The following SLC12A8 variants were observed in gnomAD, a reference collection of about 807,000 sequenced individuals.
SLC12A8 encodes solute carrier family 12 member 8, also known as cation-chloride cotransporter 9.
SLC12A8 carries 69 observed loss-of-function variants against 75.6 expected under a neutral mutation model. The observed-to-expected ratio is 0.91, with a 90% CI of 0.75 to 1.11. The LOEUF (loss-of-function observed/expected upper bound fraction) is 1.11. Ranked by LOEUF, SLC12A8 falls within the 50% of genes most tolerant of loss-of-function variation. The probability of loss-of-function intolerance (pLI) is 0.00; values close to 1 mark genes in which losing one functional copy is unlikely to be tolerated. For missense variants in SLC12A8, 877 were observed against 896.7 expected, an observed-to-expected ratio of 0.98 and a Z score of 0.28; for synonymous variants, 365 against 372.8, an observed-to-expected ratio of 0.98 and a Z score of 0.24.
intron 5 of SLC12A8, among the ~76,000 whole-genome samples, chr3:125,136,286 C>T (rs28986275): frequency 0.15 from 22,190 of 152,130 alleles, 2,234 homozygotes; most frequent in Non-Finnish European, 0.23. Flanking sequence ...AGCAGCCACA[C>T]CCTGAGGAAG....
At position 125,107,496 on chromosome 3, in the gene SLC12A8, C is replaced by T; in HGVS notation, c.1690G>A (p.Glu564Lys). 6.2e-7 allele frequency: 1 copy of T among 1,608,546 alleles called. No individual in the cohort carries two copies. The highest frequency in any genetic ancestry group is 1.3e-5 in the African/African-American group (1 of 74,946). ...GAGCACTCACCTTCTCCACTGGACT[C>T]TGATTGGTTGCACAGCTCAGGAACA... The part of the protein sequence containing the change: ...QLVPELCNQS[E>K]SSGEDFFLKS... The change falls in exon 10 of 14, where the codon GAG becomes AAG. Residue 564 changes from glutamate (E) to lysine (K), a missense_variant. Transcript: ENST00000469902.
At chr3:125,093,057 G>T (rs562957653) in intron 10 of SLC12A8, among the ~76,000 whole-genome samples, 15 of 152,076 alleles carry the variant, frequency 9.9e-5, no homozygotes, top group Admixed American at 2.6e-4. Flanking sequence ...ACATTATTTA[G>T]CTCCCACTTA....
At chr3:125,108,365 T>G (rs1402216434) in intron 9 of SLC12A8, among the ~76,000 whole-genome samples, 3 of 139,670 alleles carry the variant, frequency 2.1e-5, no homozygotes, top group South Asian at 4.5e-4. Context: ...CATTAGCAAC[T>G]TTTTTTTTTT....
At chr3:125,113,009 C>T (rs1168770228) in intron 8 of SLC12A8, among the ~76,000 whole-genome samples, 1 of 152,204 alleles carries the variant, frequency 6.6e-6, no homozygotes, top group Admixed American at 6.5e-5. Flanking sequence ...AATTTCACTG[C>T]TTCTTACCTA....
intron 10 of SLC12A8, among the ~76,000 whole-genome samples, chr3:125,096,878 G>A (rs926847957): frequency 1.3e-4 from 20 of 151,124 alleles, no homozygotes; most frequent in Admixed American, 6.6e-5. Context: ...ACATCACAGT[G>A]TGTATTTGCT....
intron 12 of SLC12A8, 90 bp downstream of exon 12, chr3:125,091,349 T>TGGCA: frequency 1.2e-6 from 1 of 829,338 alleles, no homozygotes; most frequent in Middle Eastern, 2.6e-4. Flanking sequence ...GAATCAGTGT[T>TGGCA]GGCATTCAAT....
Position 125,118,791 on chromosome 3 carries a change from T to C in SLC12A8, c.890A>G (p.Tyr297Cys). 1.9e-6 allele frequency: 3 copies of C among 1,613,734 alleles called. No individual in the cohort carries two copies. The highest frequency in any genetic ancestry group is 2.2e-5 in the South Asian group (2 of 91,024). ...CACCTTTTCCGCTATCAGGAAGTCA[T>C]AGCGAAGGGCCTCTCGAGTGCAGAT... ...GAICTREALR[Y>C]DFLIAEKVSL... The change falls in exon 8 of 14, where the codon TAT becomes TGT. Residue 297 changes from tyrosine (Y) to cysteine (C), a missense_variant. Coordinates refer to ENST00000469902, the MANE Select transcript of SLC12A8 (RefSeq NM_024628.6).
chr3:125,116,519 A>T (rs1939316130), intron 8 of SLC12A8, among the ~76,000 whole-genome samples: 1 of 152,212 alleles, frequency 6.6e-6, no homozygotes, highest in South Asian at 2.1e-4. Context: ...GCCTATCATT[A>T]GGTGTGGGAT....
chr3:125,100,293 A>G (rs1287754975), intron 10 of SLC12A8, among the ~76,000 whole-genome samples: 1 of 152,220 alleles, frequency 6.6e-6, no homozygotes, highest in Non-Finnish European at 1.5e-5. Flanking sequence ...ACAGGAAAGA[A>G]AGAATGAATC....
At chr3:125,101,019 C>CAAAA (rs59602383) in intron 10 of SLC12A8, among the ~76,000 whole-genome samples, 33 of 86,384 alleles carry the variant, frequency 3.8e-4, no homozygotes, top group South Asian at 2.6e-3. Context: ...GACTCCGTCT[C>CAAAA]AAAAAAAAAA....
chr3:125,094,328 G>A (rs752704767), intron 10 of SLC12A8, among the ~76,000 whole-genome samples: 4 of 152,082 alleles, frequency 2.6e-5, no homozygotes, highest in Non-Finnish European at 5.9e-5. Flanking sequence ...CTGCTCCCAT[G>A]CTTCAGAATT....
At position 125,148,590 on chromosome 3, in the gene SLC12A8, G is replaced by A. The variant is rs147837122; in HGVS notation, c.623-12808C>T. ...GGGGCATCATCTCCTGCCAGCCTCAGGAGGCGGCACTCTCCTGCCAGCTCC... is the reference window on the plus strand; with the variant it reads ...GGGGCATCATCTCCTGCCAGCCTCAAGAGGCGGCACTCTCCTGCCAGCTCC... On this transcript the variant is annotated intron_variant, in intron 5 of 13. Coordinates refer to ENST00000469902, the MANE Select transcript of SLC12A8 (RefSeq NM_024628.6). Among the ~76,000 whole-genome samples, 1,246 of 152,176 alleles carry A rather than the reference G, an allele frequency of 8.2e-3. 11 individuals carry two copies. The highest frequency in any genetic ancestry group is 0.013 in the Non-Finnish European group (877 of 67,984).
At chr3:125,165,320 A>G (rs978178487) in intron 5 of SLC12A8, among the ~76,000 whole-genome samples, 7 of 152,234 alleles carry the variant, frequency 4.6e-5, no homozygotes, top group Non-Finnish European at 2.9e-5. Flanking sequence ...GAGCCTTTCC[A>G]GCCATGAGAG....
chr3:125,091,398 G>T, intron 12 of SLC12A8, 41 bp downstream of exon 12: 1 of 1,301,122 alleles, frequency 7.7e-7, no homozygotes, highest in Non-Finnish European at 1.1e-6. Flanking sequence ...GAATGGTAGA[G>T]AGAATGAGGG....
chr3:125,169,734 T>C (rs140308984), intron 5 of SLC12A8, among the ~76,000 whole-genome samples: 264 of 152,198 alleles, frequency 1.7e-3, no homozygotes, highest in African/African-American at 5.9e-3. Context: ...GAAACGAACA[T>C]TTGGGGGACT....
chr3:125,104,884 A>G (rs1938986646), intron 10 of SLC12A8, among the ~76,000 whole-genome samples: 1 of 152,158 alleles, frequency 6.6e-6, no homozygotes, highest in Admixed American at 6.5e-5. Context: ...CAGCAACCAC[A>G]TGTTGGATCA....
rs7643017 is a variant in SLC12A8 at position 125,098,671 on chromosome 3, G to T, written c.1706-6473C>A. On this transcript the variant is annotated intron_variant, in intron 10 of 13. Coordinates refer to ENST00000469902, the MANE Select transcript of SLC12A8 (RefSeq NM_024628.6). ...ATTTACCAGATGAAGAAAACAAATTGAGAAGTATTTATTTTTCAAAAATTT... is the reference window on the plus strand; with the variant it reads ...ATTTACCAGATGAAGAAAACAAATTTAGAAGTATTTATTTTTCAAAAATTT... Among the ~76,000 whole-genome samples, 1,327 of 152,068 alleles carry T rather than the reference G, an allele frequency of 8.7e-3. 22 individuals are homozygous for T. The highest frequency in any genetic ancestry group is 0.03 in the African/African-American group (1,246 of 41,476).
intron 5 of SLC12A8, among the ~76,000 whole-genome samples, chr3:125,174,468 T>G (rs1285519247): frequency 6.6e-6 from 1 of 152,210 alleles, no homozygotes; most frequent in Non-Finnish European, 1.5e-5. Flanking sequence ...GCTCCAACAA[T>G]GATGCATCTA....
intron 5 of SLC12A8, among the ~76,000 whole-genome samples, chr3:125,152,377 G>A (rs571832065): frequency 8.5e-5 from 13 of 152,060 alleles, no homozygotes; most frequent in Admixed American, 2.6e-4. Context: ...GTGCTCATTC[G>A]GTCATTACAG....
Sources: allele counts gnomAD v4.1 joint callset (sites outside exome capture counted in the v4.1 genomes callset), GRCh38; gene constraint gnomAD v4.1.1; transcripts MANE v1.5; gene names NCBI Gene and HGNC (gene_info 2026-07-23, HGNC 2026-07-21).